Variants in CDC42BPA observed in about 807,000 individuals in gnomAD.
The protein encoded by CDC42BPA is serine/threonine-protein kinase MRCK alpha.
A neutral mutation model predicts 223.5 loss-of-function variants in CDC42BPA; 80 were observed. That is an observed-to-expected ratio of 0.36 (90% CI 0.30 to 0.43). CDC42BPA has a LOEUF of 0.43. CDC42BPA is among the 20% of genes least tolerant of loss of function. CDC42BPA has a pLI of 1.00. For missense variants in CDC42BPA, 1,743 were observed against 2,099.9 expected, an observed-to-expected ratio of 0.83 and a Z score of 3.32; for synonymous variants, 694 against 718.6, an observed-to-expected ratio of 0.97 and a Z score of 0.55.
chr1:227,136,964 A>G (rs749862431), intron 10 of CDC42BPA, among the ~76,000 whole-genome samples: 3 of 152,180 alleles, frequency 2.0e-5, no homozygotes, highest in Non-Finnish European at 4.4e-5. Context: ...AGAAATAAAA[A>G]GCACCAAACG....
chr1:227,111,801 T>C (rs1273758309), intron 14 of CDC42BPA, among the ~76,000 whole-genome samples: 1 of 152,186 alleles, frequency 6.6e-6, no homozygotes, highest in African/African-American at 2.4e-5. Flanking sequence ...TTCTGTCCAA[T>C]GTTACATGTT....
intron 1 of CDC42BPA, among the ~76,000 whole-genome samples, chr1:227,256,258 G>T (rs1683008410): frequency 6.6e-6 from 1 of 152,090 alleles, no homozygotes; most frequent in Admixed American, 6.5e-5. Flanking sequence ...TCATAAGTGG[G>T]AGATGAACAA....
At chr1:227,115,303 T>C (rs78061959) in intron 12 of CDC42BPA, among the ~76,000 whole-genome samples, 9,098 of 152,050 alleles carry the variant, frequency 0.06, 280 homozygotes, top group Non-Finnish European at 0.073. Flanking sequence ...TTGACTTCAG[T>C]AGAAAAAGTA....
At chr1:227,200,622 C>A (rs6685492) in intron 3 of CDC42BPA, among the ~76,000 whole-genome samples, 2 of 151,712 alleles carry the variant, frequency 1.3e-5, no homozygotes, top group African/African-American at 4.8e-5. Flanking sequence ...AACCCCCAAC[C>A]GTGGAAACAC....
At chr1:227,316,323 T>C (rs563128781) in intron 1 of CDC42BPA, among the ~76,000 whole-genome samples, 1 of 152,316 alleles carries the variant, frequency 6.6e-6, no homozygotes, top group South Asian at 2.1e-4. Flanking sequence ...ATCACATCTA[T>C]ATTTAGAAGA....
chr1:227,279,693 G>A (rs921299902), intron 1 of CDC42BPA, among the ~76,000 whole-genome samples: 2 of 152,100 alleles, frequency 1.3e-5, no homozygotes, highest in African/African-American at 4.8e-5. Context: ...AGCAATTTAA[G>A]CCTCTTTGTG....
At chr1:227,003,951 T>C (rs1279966374) in intron 35 of CDC42BPA, 2 of 152,204 alleles carry the variant, frequency 1.3e-5, no homozygotes, top group African/African-American at 4.8e-5. Flanking sequence ...TGGTATCTAA[T>C]GGAACCTCAA....
intron 1 of CDC42BPA, among the ~76,000 whole-genome samples, chr1:227,277,253 C>A (rs55805110): frequency 0.15 from 22,729 of 151,738 alleles, 2,034 homozygotes; most frequent in African/African-American, 0.24. Flanking sequence ...TTAAACAATC[C>A]TATCTCTAAT....
At position 226,999,150 on chromosome 1, in the gene CDC42BPA, T is replaced by A. The variant is rs1292118131; in HGVS notation, c.4976-4170A>T. 2.0e-5 allele frequency among the ~76,000 whole-genome samples: 3 copies of A among 151,404 alleles called. No individual in the cohort carries two copies. The East Asian group carries it at 5.8e-4, about 29-fold the overall frequency. On this transcript the variant is annotated intron_variant, in intron 35 of 36. Transcript: ENST00000366766. The stretch of plus-strand genomic sequence containing the variant: ...ATTAAAAAATCAGGAAACAACAGAT[T>A]CTGGAGAGGATGTGGAGAAATAGGA...
chr1:227,119,988 T>C (rs1468874419), intron 11 of CDC42BPA, 51 bp from the exon 12 acceptor site: 6 of 1,477,634 alleles, frequency 4.1e-6, no homozygotes, highest in South Asian at 1.3e-5. Flanking sequence ...AAGCAAATGA[T>C]TGAACCTAAG....
At chr1:227,017,127 C>G in intron 32 of CDC42BPA, 77 bp from the exon 33 acceptor site, 1 of 1,332,486 alleles carries the variant, frequency 7.5e-7, no homozygotes, top group Non-Finnish European at 1.0e-6. Flanking sequence ...ACCTCCAAGA[C>G]AGTACAAACA....
At chr1:227,005,205 A>G in intron 34 of CDC42BPA, 94 bp from the exon 35 acceptor site, 1 of 836,014 alleles carries the variant, frequency 1.2e-6, no homozygotes, top group Non-Finnish European at 2.0e-6. Flanking sequence ...CCAAGAAATA[A>G]AATCATCTTG....
intron 29 of CDC42BPA, among the ~76,000 whole-genome samples, 196 bp from the exon 30 acceptor site, chr1:227,029,446 C>T (rs1040616690): frequency 2.0e-5 from 3 of 152,122 alleles, no homozygotes; most frequent in African/African-American, 7.2e-5. Context: ...AATTTGAGTC[C>T]TGAGATTTCT....
intron 1 of CDC42BPA, among the ~76,000 whole-genome samples, chr1:227,280,913 C>G (rs537402773): frequency 6.6e-6 from 1 of 152,270 alleles, no homozygotes; most frequent in East Asian, 1.9e-4. Flanking sequence ...CACAACAGCT[C>G]AGGGGGTCAG....
intron 21 of CDC42BPA, among the ~76,000 whole-genome samples, chr1:227,068,103 C>A (rs1464745620): frequency 6.6e-6 from 1 of 151,758 alleles, no homozygotes; most frequent in African/African-American, 2.4e-5. Flanking sequence ...TAACTAAAAT[C>A]ACTTTGCACA....
intron 2 of CDC42BPA, among the ~76,000 whole-genome samples, chr1:227,241,099 C>T (rs930320815): frequency 3.9e-5 from 6 of 151,906 alleles, no homozygotes; most frequent in African/African-American, 9.7e-5. Context: ...AATAGGCACA[C>T]AAAAACCCCA....
At chr1:227,220,282 T>TTTTATATATATATATATATATATATATA (rs748787987) in intron 2 of CDC42BPA, among the ~76,000 whole-genome samples, 1 of 100,898 alleles carries the variant, frequency 9.9e-6, no homozygotes, top group Non-Finnish European at 1.9e-5. Context: ...AAAAGTCATG[T>TTTTATATATATATATATATATATATATA]TATATATATA....
intron 1 of CDC42BPA, among the ~76,000 whole-genome samples, chr1:227,283,347 T>G (rs1490290087): frequency 6.6e-6 from 1 of 152,106 alleles, no homozygotes; most frequent in African/African-American, 2.4e-5. Flanking sequence ...TGAAAAGTAT[T>G]GACCCACCAA....
chr1:227,231,891 G>C (rs529599399), intron 2 of CDC42BPA, among the ~76,000 whole-genome samples: 1 of 152,328 alleles, frequency 6.6e-6, no homozygotes, highest in South Asian at 2.1e-4. Context: ...TTAGCCCTTT[G>C]TCAGATGAGT....
Sources: allele counts gnomAD v4.1 joint callset (sites outside exome capture counted in the v4.1 genomes callset), GRCh38; gene constraint gnomAD v4.1.1; transcripts MANE v1.5; gene names NCBI Gene and HGNC (gene_info 2026-07-23, HGNC 2026-07-21).